The following SCUBE2 variants were observed in gnomAD, a reference collection of about 807,000 sequenced individuals.
The protein encoded by SCUBE2 is signal peptide, CUB domain and EGF like domain containing 2, also known as signal peptide, CUB and EGF-like domain-containing protein 2.
A neutral mutation model predicts 125.9 loss-of-function variants in SCUBE2; 114 were observed. That is an observed-to-expected ratio of 0.91 (90% CI 0.78 to 1.06). SCUBE2 has a LOEUF of 1.06. SCUBE2 is among the 50% of genes least tolerant of loss of function. The pLI is 0.00. For missense variants in SCUBE2, 1,255 were observed against 1,301.8 expected (o/e 0.96, Z 0.55); for synonymous variants, 459 against 492.9 (o/e 0.93, Z 0.91).
chr11:9,080,196 T>C (rs747154343), intron 2 of SCUBE2, among the ~76,000 whole-genome samples: 2 of 152,164 alleles, frequency 1.3e-5, no homozygotes, highest in Non-Finnish European at 2.9e-5. Context: ...TTGGGAGAAA[T>C]GCTTGTCTTT....
intron 2 of SCUBE2, 108 bp downstream of exon 2, chr11:9,089,599 G>A (rs1388140291): frequency 8.0e-7 from 1 of 1,257,806 alleles, no homozygotes; most frequent in Non-Finnish European, 1.1e-6. Flanking sequence ...GGGGCTGGGG[G>A]AAAGGGAGAG....
intron 16 of SCUBE2, among the ~76,000 whole-genome samples, chr11:9,034,991 T>C (rs1054534014): frequency 6.6e-6 from 1 of 152,066 alleles, no homozygotes; most frequent in Non-Finnish European, 1.5e-5. Context: ...AGTGAGGCTC[T>C]GTCTCAAAGA....
At chr11:9,049,689 G>C (rs7106593) in intron 14 of SCUBE2, among the ~76,000 whole-genome samples, 3 of 151,894 alleles carry the variant, frequency 2.0e-5, no homozygotes, top group African/African-American at 4.8e-5. Flanking sequence ...ACTAATGATA[G>C]GGTGAGTTTT....
In SCUBE2 at chr11:9,053,118, A is replaced by C; in HGVS notation, c.1428T>G (p.Ser476=). The C allele has an allele frequency of 6.2e-7, 1 of 1,614,156 alleles. No homozygotes were observed. The highest frequency in any genetic ancestry group is 8.5e-7 in the Non-Finnish European group (1 of 1,180,000). Residue 476 remains serine, a synonymous_variant, in exon 12 of 23, where the codon TCT becomes TCG. Coordinates refer to ENST00000649792, the MANE Select transcript of SCUBE2 (RefSeq NM_001367977.2). Reference sequence around the variant, plus strand: ...ACTCACCTGAAGAGAGGTGAATGCCAGAGTGACATCTGAGGAAGCACCCGT... The same window carrying C: ...ACTCACCTGAAGAGAGGTGAATGCCCGAGTGACATCTGAGGAAGCACCCGT... ...GGDGCFLRCH[S]GIHLSSGLQG...
At chr11:9,030,166 C>T in intron 18 of SCUBE2, 121 bp from the exon 19 acceptor site, 1 of 1,141,396 alleles carries the variant, frequency 8.8e-7, no homozygotes, top group East Asian at 2.6e-5. Context: ...TAGGGCTTTC[C>T]TACCAATCTG....
At chr11:9,044,103 G>T (rs1423914798) in intron 16 of SCUBE2, among the ~76,000 whole-genome samples, 1 of 152,146 alleles carries the variant, frequency 6.6e-6, no homozygotes, top group Non-Finnish European at 1.5e-5. Context: ...CACCAGTAGG[G>T]GTAGGGCTAA....
At chr11:9,084,634 T>C (rs1207522959) in intron 2 of SCUBE2, among the ~76,000 whole-genome samples, 2 of 152,238 alleles carry the variant, frequency 1.3e-5, no homozygotes, top group Admixed American at 1.3e-4. Context: ...GTTAACATCA[T>C]GTGCCCATGA....
chr11:9,050,470 G>A (rs1160599286), intron 14 of SCUBE2, 136 bp downstream of exon 14: 3 of 676,830 alleles, frequency 4.4e-6, no homozygotes, highest in South Asian at 1.7e-5. Context: ...TGGAAGTTGG[G>A]GATGGTTCAG....
chr11:9,084,987 G>T (rs1376696479), intron 2 of SCUBE2, among the ~76,000 whole-genome samples: 1 of 152,100 alleles, frequency 6.6e-6, no homozygotes, highest in Non-Finnish European at 1.5e-5. Context: ...CCTCATGTAA[G>T]CCTCCCTCCT....
In SCUBE2 at chr11:9,039,343, C is replaced by T. The variant is rs143901480; in HGVS notation, c.2003-5547G>A. 2.7e-3 allele frequency among the ~76,000 whole-genome samples: 412 copies of T among 152,278 alleles called. 1 individual carries two copies. The highest frequency in any genetic ancestry group is 7.9e-3 in the African/African-American group (329 of 41,552). ...CTGAAGGCAGAGCTGACAGGATTTG[C>T]ACACGGACTGGATGAGGAACGCAAC... On this transcript the variant is annotated intron_variant, in intron 16 of 22. Transcript: ENST00000649792.
rs74052375 is a variant in SCUBE2, at chr11:9,077,303, G to A, written c.382+2081C>T. ...AGCTTCTCAGGTGATTCCAGTGTGC[G>A]GCCAGAGTTAAGAACAACTGCTACA... On this transcript the variant is annotated intron_variant, in intron 3 of 22. Coordinates refer to ENST00000649792, the MANE Select transcript of SCUBE2 (RefSeq NM_001367977.2). 4.1e-3 allele frequency among the ~76,000 whole-genome samples: 620 copies of A among 152,214 alleles called. 3 individuals are homozygous for A. Among genetic ancestry groups the A allele is most frequent in the African/African-American group, 0.014 (596 of 41,522 alleles).
intron 7 of SCUBE2, among the ~76,000 whole-genome samples, chr11:9,063,500 G>A (rs944256235): frequency 1.1e-4 from 16 of 152,200 alleles, no homozygotes; most frequent in African/African-American, 1.7e-4. Flanking sequence ...AAACAACTCT[G>A]CATTCTTGAA....
intron 16 of SCUBE2, among the ~76,000 whole-genome samples, chr11:9,045,548 A>G (rs1857614681): frequency 6.6e-6 from 1 of 151,636 alleles, no homozygotes; most frequent in Non-Finnish European, 1.5e-5. Context: ...AACATCAGCA[A>G]GCCTGGTCTT....
chr11:9,041,375 G>A (rs1857226009), intron 16 of SCUBE2, among the ~76,000 whole-genome samples: 3 of 152,162 alleles, frequency 2.0e-5, no homozygotes, highest in Admixed American at 2.0e-4. Flanking sequence ...ACTGGGTAAG[G>A]TCACCAAGGA....
chr11:9,073,108 C>G (rs977797456), intron 4 of SCUBE2, among the ~76,000 whole-genome samples: 1 of 152,210 alleles, frequency 6.6e-6, no homozygotes, highest in Non-Finnish European at 1.5e-5. Context: ...TCCCAGGAAG[C>G]AGCTTTGAGC....
chr11:9,066,558 A>G (rs746631228), intron 6 of SCUBE2, 139 bp downstream of exon 6: 8 of 694,492 alleles, frequency 1.2e-5, no homozygotes, highest in Non-Finnish European at 2.0e-5. Context: ...CCACTGTAGC[A>G]TGCGAAGCAG....
At position 9,079,458 on chromosome 11, in the gene SCUBE2, A is replaced by C; in HGVS notation, c.308T>G (p.Leu103Trp). The change falls in exon 3 of 23, where the codon TTG becomes TGG. Residue 103 changes from leucine (L) to tryptophan (W), a missense_variant. Around this residue, in one of 3 missense-constraint regions of SCUBE2, gnomAD observed 362 missense variants for 323.0 expected, o/e 1.12. Transcript: ENST00000649792. ...GCAACGATAATTGCCTGGAATATTC[A>C]AACAGTCATGGACACAGCCTCCATT... Reference protein sequence around the residue: ...ELNGGCVHDCLNIPGNYRCTC... With the variant: ...ELNGGCVHDCWNIPGNYRCTC... 1.8e-5 allele frequency: 29 copies of C among 1,614,196 alleles called. No individual in the cohort carries two copies. The highest frequency in any genetic ancestry group is 2.4e-5 in the Non-Finnish European group (28 of 1,180,012).
At chr11:9,045,646 CACACACACAG>C (rs1857652664) in intron 16 of SCUBE2, among the ~76,000 whole-genome samples, 3 of 151,478 alleles carry the variant, frequency 2.0e-5, no homozygotes, top group Non-Finnish European at 4.4e-5. Flanking sequence ...CACACACACA[CACACACACAG>C]CCTTGTCTAT....
intron 2 of SCUBE2, among the ~76,000 whole-genome samples, chr11:9,085,065 T>C (rs997162554): frequency 1.3e-5 from 2 of 152,164 alleles, no homozygotes; most frequent in African/African-American, 4.8e-5. Flanking sequence ...ATTCTTATAA[T>C]GACATTAAGA....
Sources: gnomAD v4.1 joint callset for allele counts (sites outside exome capture counted in the v4.1 genomes callset) on GRCh38, gnomAD v4.1.1 for gene constraint, gnomAD v4.1.1 regional missense constraint, MANE v1.5 for transcripts, NCBI Gene and HGNC (gene_info 2026-07-23, HGNC 2026-07-21) for gene names.